The following KAZN variants were observed in gnomAD, a reference collection of about 807,000 sequenced individuals.
KAZN encodes the protein kazrin.
KAZN carries 40 observed loss-of-function variants against 87.4 expected under a neutral mutation model. The ratio of observed to expected loss-of-function variants is 0.46; its 90% CI spans 0.36 to 0.60. KAZN has a LOEUF of 0.60. Among genes scored for constraint, KAZN ranks in the 20% least tolerant of loss-of-function variants. The pLI is 0.00. For synonymous variants in KAZN, 466 were observed against 458.3 expected (o/e 1.02, Z -0.22); for missense variants, 898 against 1,073.9 (o/e 0.84, Z 2.29).
chr1:13,941,643 A>G (rs1419747841), intron 1 of KAZN, among the ~76,000 whole-genome samples: 1 of 152,216 alleles, frequency 6.6e-6, no homozygotes, highest in Admixed American at 6.5e-5. Context: ...GAACAAGCAC[A>G]GCTGTGTTTC....
At chr1:14,520,925 A>C (rs1375975710) in intron 2 of KAZN, among the ~76,000 whole-genome samples, 1 of 152,216 alleles carries the variant, frequency 6.6e-6, no homozygotes, top group Non-Finnish European at 1.5e-5. Flanking sequence ...TGGGCAGGGC[A>C]GGTTCCCCTA....
chr1:14,259,740 A>C (rs1650863122), intron 2 of KAZN, among the ~76,000 whole-genome samples: 1 of 152,224 alleles, frequency 6.6e-6, no homozygotes, highest in Non-Finnish European at 1.5e-5. Flanking sequence ...ATGCAGGGCT[A>C]GACACACAGC....
intron 1 of KAZN, among the ~76,000 whole-genome samples, chr1:13,974,309 G>T (rs1481434515): frequency 2.0e-5 from 3 of 152,248 alleles, no homozygotes; most frequent in Non-Finnish European, 4.4e-5. Flanking sequence ...TTTAGGGAAA[G>T]TTTATATCAG....
chr1:14,062,248 CG>C (rs902620495), intron 1 of KAZN, among the ~76,000 whole-genome samples: 2 of 152,084 alleles, frequency 1.3e-5, no homozygotes, highest in Non-Finnish European at 2.9e-5. Flanking sequence ...ACAAAAACGA[CG>C]GGACAGAGTC....
chr1:14,553,982 C>T (rs1461167847), intron 2 of KAZN, among the ~76,000 whole-genome samples: 1 of 152,172 alleles, frequency 6.6e-6, no homozygotes, highest in Non-Finnish European at 1.5e-5. Context: ...TGCGTAAGTG[C>T]TGAACCCAAG....
chr1:14,756,729 T>C (rs753069448), intron 1 of KAZN, among the ~76,000 whole-genome samples: 1 of 152,194 alleles, frequency 6.6e-6, no homozygotes, highest in Non-Finnish European at 1.5e-5. Flanking sequence ...ATTGTGAATA[T>C]ACCAGGCATT....
At chr1:14,826,591 C>T (rs189853266) in intron 1 of KAZN, among the ~76,000 whole-genome samples, 61 of 152,300 alleles carry the variant, frequency 4.0e-4, no homozygotes, top group Non-Finnish European at 7.6e-4. Context: ...CTCGGTCCCG[C>T]GCTGGCCGTT....
At chr1:14,827,739 T>C (rs1646937795) in intron 1 of KAZN, among the ~76,000 whole-genome samples, 1 of 152,184 alleles carries the variant, frequency 6.6e-6, no homozygotes, top group African/African-American at 2.4e-5. Flanking sequence ...TTCAATTTTT[T>C]AATAAAGCAG....
chr1:14,350,489 T>C (rs982231120), intron 2 of KAZN, among the ~76,000 whole-genome samples: 2 of 152,196 alleles, frequency 1.3e-5, no homozygotes, highest in Non-Finnish European at 2.9e-5. Flanking sequence ...GGGAGTTTGC[T>C]GCCTGGGAAC....
chr1:14,356,783 A>C (rs543388778), intron 2 of KAZN, among the ~76,000 whole-genome samples: 1 of 152,190 alleles, frequency 6.6e-6, no homozygotes, highest in Non-Finnish European at 1.5e-5. Flanking sequence ...CCATTGGTCT[A>C]TATATCTGTT....
chr1:14,838,264 C>G (rs1647511260), intron 1 of KAZN, among the ~76,000 whole-genome samples: 2 of 152,242 alleles, frequency 1.3e-5, no homozygotes, highest in South Asian at 4.1e-4. Context: ...ATGACCTAAT[C>G]ACTTCCTGAA....
At chr1:15,000,520 A>G (rs1458860054) in intron 2 of KAZN, among the ~76,000 whole-genome samples, 3 of 151,770 alleles carry the variant, frequency 2.0e-5, no homozygotes, top group East Asian at 3.8e-4. Context: ...CGGGGGGTAC[A>G]GAGGGTGTCG....
chr1:14,277,737 A>T (rs980580455), intron 2 of KAZN, among the ~76,000 whole-genome samples: 2 of 151,512 alleles, frequency 1.3e-5, no homozygotes, highest in Admixed American at 6.6e-5. Flanking sequence ...TTTGATATTT[A>T]TTAACTCATA....
intron 1 of KAZN, among the ~76,000 whole-genome samples, chr1:14,738,453 G>C (rs145683696): frequency 6.6e-6 from 1 of 151,994 alleles, no homozygotes; most frequent in African/African-American, 2.4e-5. Context: ...TGTATATCTC[G>C]TCATGCCAAT....
At chr1:14,038,748 T>G (rs1303253572) in intron 1 of KAZN, among the ~76,000 whole-genome samples, 1 of 152,176 alleles carries the variant, frequency 6.6e-6, no homozygotes, top group Non-Finnish European at 1.5e-5. Context: ...CAGGAATCCA[T>G]GGAAGCAGTG....
chr1:15,064,718 G>A (rs960822325), intron 7 of KAZN, among the ~76,000 whole-genome samples: 2 of 152,202 alleles, frequency 1.3e-5, no homozygotes, highest in African/African-American at 4.8e-5. Flanking sequence ...TTCGGCTGAC[G>A]CAGGCTCCAG....
intron 2 of KAZN, among the ~76,000 whole-genome samples, chr1:14,967,979 A>G (rs1348388373): frequency 1.3e-5 from 2 of 152,190 alleles, no homozygotes; most frequent in South Asian, 2.1e-4. Flanking sequence ...CAGTTTTTCC[A>G]CGGACCAGGT....
chr1:14,993,194 G>A (rs1447495909), intron 2 of KAZN, among the ~76,000 whole-genome samples: 2 of 150,656 alleles, frequency 1.3e-5, no homozygotes, highest in Non-Finnish European at 1.5e-5. Flanking sequence ...CAGGCCAGGC[G>A]CGGTGGCTCA....
intron 2 of KAZN, among the ~76,000 whole-genome samples, chr1:14,519,665 G>A (rs1188272185): frequency 6.6e-6 from 1 of 152,190 alleles, no homozygotes; most frequent in Non-Finnish European, 1.5e-5. Flanking sequence ...CTGGAGGGAA[G>A]AAAAGAGAGT....
Sources: allele counts gnomAD v4.1 joint callset (sites outside exome capture counted in the v4.1 genomes callset), GRCh38; gene constraint gnomAD v4.1.1; transcripts MANE v1.5; gene names NCBI Gene and HGNC (gene_info 2026-07-23, HGNC 2026-07-21).